NNT: variants seen among roughly 807,000 people sequenced by gnomAD.
NNT encodes the protein nicotinamide nucleotide transhydrogenase.
A neutral mutation model predicts 104.8 loss-of-function variants in NNT; 50 were observed. That is an observed-to-expected ratio of 0.48 (90% CI 0.38 to 0.60). NNT has a LOEUF of 0.60. NNT is among the 20% of genes least tolerant of loss of function. The pLI is 0.00. For missense variants in NNT, 1,131 were observed against 1,330.7 expected, an observed-to-expected ratio of 0.85 and a Z score of 2.33; for synonymous variants, 461 against 490.4, an observed-to-expected ratio of 0.94 and a Z score of 0.79.
chr5:43,617,131 T>C (rs936530531), intron 4 of NNT, among the ~76,000 whole-genome samples: 2 of 152,236 alleles, frequency 1.3e-5, no homozygotes, highest in African/African-American at 4.8e-5. Flanking sequence ...AGTTATATTA[T>C]GCAATGTGTG....
In NNT at chr5:43,613,148, C is replaced by T. The variant is rs1749591103; in HGVS notation, c.381+11C>T. 5.0e-6 allele frequency: 8 copies of T among 1,596,172 alleles called. No individual in the cohort carries two copies. In the East Asian group the frequency reaches 1.8e-4, roughly 36 times the overall value. On this transcript the variant is annotated intron_variant, in intron 3 of 21. Transcript: ENST00000344920. Reference sequence around the variant, plus strand: ...GATTTGGTGGTCAAAGTAATTATTCCTTTTTCCTCTCCCATTTACAGCATG... The same window carrying T: ...GATTTGGTGGTCAAAGTAATTATTCTTTTTTCCTCTCCCATTTACAGCATG...
chr5:43,667,255 C>A (rs997439705), intron 17 of NNT: 3 of 824,844 alleles, frequency 3.6e-6, no homozygotes, highest in South Asian at 1.3e-5. Context: ...AGCTGCCGGT[C>A]CCGAAGTGCC....
chr5:43,671,102 T>C (rs1333619214), intron 17 of NNT, among the ~76,000 whole-genome samples: 2 of 152,148 alleles, frequency 1.3e-5, no homozygotes, highest in Non-Finnish European at 2.9e-5. Flanking sequence ...ACTAGGATTG[T>C]AACCCCTGCT....
intron 1 of NNT, among the ~76,000 whole-genome samples, chr5:43,605,522 CAAAAAAAAA>C (rs70997416): frequency 1.3e-4 from 5 of 37,762 alleles, no homozygotes; most frequent in East Asian, 1.3e-3. Flanking sequence ...GACTCCGTCT[CAAAAAAAAA>C]AAAAAAAAAA....
At chr5:43,647,550 A>G (rs1488996596) in intron 10 of NNT, among the ~76,000 whole-genome samples, 1 of 152,134 alleles carries the variant, frequency 6.6e-6, no homozygotes, top group Non-Finnish European at 1.5e-5. Flanking sequence ...TTTTATATGT[A>G]TCAGGAATGT....
intron 15 of NNT, 120 bp downstream of exon 15, chr5:43,656,193 G>T: frequency 1.2e-6 from 1 of 851,468 alleles, no homozygotes; most frequent in East Asian, 2.7e-5. Context: ...CTGCAATCCA[G>T]CACTTTGGGA....
intron 5 of NNT, among the ~76,000 whole-genome samples, chr5:43,620,065 C>G (rs1303147316): frequency 6.6e-6 from 1 of 152,186 alleles, no homozygotes; most frequent in Non-Finnish European, 1.5e-5. Context: ...ACACCTCCCA[C>G]TAGGCCCCAC....
chr5:43,628,970 A>G (rs1048149420), intron 7 of NNT, among the ~76,000 whole-genome samples: 2 of 150,230 alleles, frequency 1.3e-5, no homozygotes, highest in African/African-American at 4.9e-5. Context: ...AACGCCATTT[A>G]TTTAGAAAAG....
intron 19 of NNT, among the ~76,000 whole-genome samples, chr5:43,691,497 G>A (rs1269129784): frequency 1.3e-5 from 2 of 152,096 alleles, no homozygotes; most frequent in Non-Finnish European, 2.9e-5. Context: ...AGTTCTATGA[G>A]CTAAATCTAG....
chr5:43,694,735 A>AGTTTGT (rs1554055721), intron 19 of NNT, among the ~76,000 whole-genome samples: 2 of 113,460 alleles, frequency 1.8e-5, no homozygotes, highest in African/African-American at 4.2e-5. Context: ...ATTGGCCTAA[A>AGTTTGT]GTTTGTGTGT....
chr5:43,659,429 C>T, intron 17 of NNT, 79 bp downstream of exon 17: 1 of 1,227,518 alleles, frequency 8.1e-7, no homozygotes, highest in Non-Finnish European at 1.1e-6. Context: ...CTTTTATTAC[C>T]CATAAAAATG....
At position 43,622,839 on chromosome 5, in the gene NNT, G is replaced by T. The variant is rs117156121; in HGVS notation, c.688-1193G>T. ...TTCGATAGTAAGATCTGCTGCTTTT[G>T]TGCGATTCTGCTTTTTTAAATTATG... On this transcript the variant is annotated intron_variant, in intron 5 of 21. Coordinates refer to ENST00000344920, the MANE Select transcript of NNT (RefSeq NM_182977.3). Among the ~76,000 whole-genome samples, 341 of 147,982 alleles carry T rather than the reference G, an allele frequency of 2.3e-3. 8 individuals are homozygous for T. The East Asian group carries it at 0.058, about 25-fold the overall frequency.
chr5:43,655,552 G>A (rs1407389013), intron 14 of NNT, among the ~76,000 whole-genome samples: 1 of 151,874 alleles, frequency 6.6e-6, no homozygotes, highest in Non-Finnish European at 1.5e-5. Context: ...TTAGACCTGG[G>A]TCCCATTCCC....
intron 6 of NNT, 92 bp from the exon 7 acceptor site, chr5:43,628,108 G>T: frequency 2.1e-6 from 2 of 959,156 alleles, no homozygotes. Context: ...TATATAGTTT[G>T]TTGTTCTTAA....
intron 6 of NNT, among the ~76,000 whole-genome samples, chr5:43,627,936 T>A (rs1431456442): frequency 6.6e-6 from 1 of 152,188 alleles, no homozygotes; most frequent in Non-Finnish European, 1.5e-5. Context: ...TTACTGGAGT[T>A]GGCAATTGTG....
At chr5:43,672,347 G>A (rs190728607) in intron 17 of NNT, among the ~76,000 whole-genome samples, 5 of 150,726 alleles carry the variant, frequency 3.3e-5, no homozygotes, top group Non-Finnish European at 7.4e-5. Flanking sequence ...TCCTTTGGAG[G>A]GGGGAGAGGC....
At chr5:43,670,001 T>G (rs932434397) in intron 17 of NNT, among the ~76,000 whole-genome samples, 1 of 152,156 alleles carries the variant, frequency 6.6e-6, no homozygotes, top group African/African-American at 2.4e-5. Context: ...CTTCCTGGTT[T>G]AGTCTTGGGA....
intron 3 of NNT, among the ~76,000 whole-genome samples, chr5:43,614,275 CAT>C (rs1749658680): frequency 6.6e-6 from 1 of 152,296 alleles, no homozygotes; most frequent in South Asian, 2.1e-4. Context: ...AATCCTATAA[CAT>C]AGAATATTGT....
At chr5:43,607,502 G>A (rs902369707) in intron 1 of NNT, among the ~76,000 whole-genome samples, 1 of 152,160 alleles carries the variant, frequency 6.6e-6, no homozygotes, top group East Asian at 1.9e-4. Flanking sequence ...TGTCTTTGCT[G>A]ACTCTCTTTT....
Sources: gnomAD v4.1 joint callset for allele counts (sites outside exome capture counted in the v4.1 genomes callset) on GRCh38, gnomAD v4.1.1 for gene constraint, MANE v1.5 for transcripts, NCBI Gene and HGNC (gene_info 2026-07-23, HGNC 2026-07-21) for gene names.